SERAC1: variants seen among roughly 807,000 people sequenced by gnomAD.
The protein encoded by SERAC1 is serine active site containing 1.
A neutral mutation model predicts 85.7 loss-of-function variants in SERAC1; 36 were observed. The observed-to-expected ratio is 0.42, with a 90% CI of 0.32 to 0.55. The LOEUF (loss-of-function observed/expected upper bound fraction) is 0.55, where lower values mean the gene tolerates loss of function less well. Among genes scored for constraint, SERAC1 ranks in the 20% least tolerant of loss-of-function variants. SERAC1 has a pLI of 0.11. For synonymous variants in SERAC1, 242 were observed against 265.3 expected (o/e 0.91, Z 0.85); for missense variants, 629 against 796.2 (o/e 0.79, Z 2.53).
In SERAC1 at chr6:158,150,469, G is replaced by A. The variant is rs6929274; in HGVS notation, c.249C>T (p.Asp83=). 0.71 allele frequency: 1,102,505 copies of A among 1,554,476 alleles called. 393,101 individuals carry two copies. Among genetic ancestry groups the A allele is most frequent in the Admixed American group, 0.83 (49,044 of 58,938 alleles). The change falls in exon 4 of 17, where the codon GAC becomes GAT. Residue 83 remains aspartate, a synonymous_variant. Coordinates refer to ENST00000647468, the MANE Select transcript of SERAC1 (RefSeq NM_032861.4). The part of the protein sequence containing the change: ...SYIYVHTVSL[D]KGENHGIAWQ... ...TAAACTTACCATGATTTTCTCCTTTGTCTAAAGAAACTGTGTGCACATATA... is the reference window on the plus strand; with the variant it reads ...TAAACTTACCATGATTTTCTCCTTTATCTAAAGAAACTGTGTGCACATATA...
chr6:158,133,803 G>A (rs1784734797), intron 8 of SERAC1, among the ~76,000 whole-genome samples: 1 of 152,122 alleles, frequency 6.6e-6, no homozygotes, highest in African/African-American at 2.4e-5. Flanking sequence ...GGGTCCTTAG[G>A]GGTATGGGGT....
chr6:158,157,015 T>C (rs538564380), intron 2 of SERAC1, among the ~76,000 whole-genome samples: 1 of 146,594 alleles, frequency 6.8e-6, no homozygotes, highest in South Asian at 2.1e-4. Context: ...TATATATGTA[T>C]AGACAGAGTT....
intron 10 of SERAC1, among the ~76,000 whole-genome samples, chr6:158,124,279 A>T (rs902299779): frequency 1.3e-5 from 2 of 152,196 alleles, no homozygotes; most frequent in African/African-American, 4.8e-5. Context: ...AGAGGAAAAA[A>T]TTTAAACATA....
At chr6:158,130,351 A>C (rs1287037824) in intron 9 of SERAC1, 22 bp downstream of exon 9, 1 of 1,330,192 alleles carries the variant, frequency 7.5e-7, no homozygotes, top group Non-Finnish European at 1.0e-6. Flanking sequence ...AAAGTAAACT[A>C]CATTTTGAAA....
chr6:158,115,410 T>C (rs1185307008), intron 14 of SERAC1, among the ~76,000 whole-genome samples: 1 of 152,234 alleles, frequency 6.6e-6, no homozygotes, highest in African/African-American at 2.4e-5. Flanking sequence ...TCATGGGAAC[T>C]GTTCCTCTGG....
At chr6:158,114,690 A>ATAAAATGAGATAATACATTCAAGGAATG in intron 15 of SERAC1, 99 bp downstream of exon 15, 1 of 1,575,574 alleles carries the variant, frequency 6.3e-7, no homozygotes, top group Non-Finnish European at 8.6e-7. Flanking sequence ...TATACAAATT[A>ATAAAATGAGATAATACATTCAAGGAATG]TAAAATGAGA....
At chr6:158,152,320 G>A (rs1179333761) in intron 3 of SERAC1, among the ~76,000 whole-genome samples, 3 of 152,054 alleles carry the variant, frequency 2.0e-5, no homozygotes, top group Non-Finnish European at 4.4e-5. Flanking sequence ...ATTCAAGACC[G>A]GCCTGGCCAA....
intron 1 of SERAC1, chr6:158,161,918 A>G (rs546398503): frequency 2.0e-5 from 3 of 152,146 alleles, no homozygotes; most frequent in Non-Finnish European, 4.4e-5. Context: ...CAGCTCGTCT[A>G]CCCTGTCTCG....
At position 158,120,878 on chromosome 6, in the gene SERAC1, T is replaced by C. The variant is rs1784403986; in HGVS notation, c.1016-303A>G. Among the ~76,000 whole-genome samples the C allele has an allele frequency of 6.6e-6, 1 of 152,144 alleles. No individual in the cohort carries two copies. Among genetic ancestry groups the C allele is most frequent in the Non-Finnish European group, 1.5e-5 (1 of 68,026 alleles). On this transcript the variant is annotated intron_variant, in intron 10 of 16. Transcript: ENST00000647468. The surrounding 1 kb of genome is among the most constrained non-coding windows in gnomAD (Gnocchi z 4.4). ...GAGGTGTTCATAGCAGTTATAGAGG[T>C]GTTCACAAAAGTGAACAAAATACCA... is the stretch of plus-strand genomic sequence containing the variant.
intron 15 of SERAC1, chr6:158,114,462 A>G (rs1201944763): frequency 2.7e-6 from 3 of 1,102,528 alleles, no homozygotes; most frequent in Non-Finnish European, 3.3e-6. Flanking sequence ...ACAGTTGATG[A>G]TTCTCCACTC....
At chr6:158,150,906 G>T (rs1038705404) in intron 3 of SERAC1, 3 of 244,808 alleles carry the variant, frequency 1.2e-5, no homozygotes, top group Non-Finnish European at 2.4e-5. Context: ...CTACTGTGCT[G>T]CCCGTCCTAT....
intron 3 of SERAC1, among the ~76,000 whole-genome samples, chr6:158,153,731 G>C (rs1245095717): frequency 6.6e-6 from 1 of 152,124 alleles, no homozygotes; most frequent in East Asian, 1.9e-4. Context: ...TGGATTCAGA[G>C]CTTAGCACCT....
At position 158,110,101 on chromosome 6, in the gene SERAC1, A is replaced by C. The variant is rs991479173; in HGVS notation, c.*1265T>G. 1 of 152,208 alleles carries C rather than the reference A, an allele frequency of 6.6e-6. No homozygotes were observed. Among genetic ancestry groups the C allele is most frequent in the African/African-American group, 2.4e-5 (1 of 41,448 alleles). The allele number at this position is 152,208 out of a possible 1,614,324, so 9.4% of individuals were successfully genotyped here. On this transcript the variant is annotated 3_prime_UTR_variant, in exon 17 of 17. Coordinates refer to ENST00000647468, the MANE Select transcript of SERAC1 (RefSeq NM_032861.4). ...ACTCAGTGAACTATACTAAAAACCA[A>C]TGAATTGAGCCTGGGAACAATGGCT...
intron 7 of SERAC1, among the ~76,000 whole-genome samples, chr6:158,143,765 T>C (rs1784986634): frequency 1.3e-5 from 2 of 152,150 alleles, no homozygotes; most frequent in Admixed American, 6.6e-5. Context: ...CTAGGAAAGA[T>C]ACTCAAGAAA....
At chr6:158,114,177 G>A (rs953963337) in intron 15 of SERAC1, among the ~76,000 whole-genome samples, 5 of 152,110 alleles carry the variant, frequency 3.3e-5, no homozygotes, top group Admixed American at 2.0e-4. Flanking sequence ...GAGGACATGA[G>A]TGCAGAACCA....
chr6:158,116,595 C>T, intron 13 of SERAC1: 1 of 259,788 alleles, frequency 3.8e-6, no homozygotes, highest in East Asian at 9.1e-5. Context: ...TTAACATTGG[C>T]CTAATTAGGA....
chr6:158,159,134 T>C (rs1167449056), intron 1 of SERAC1: 1 of 152,174 alleles, frequency 6.6e-6, no homozygotes, highest in Non-Finnish European at 1.5e-5. Context: ...CTTTTTATTA[T>C]TTTCTTCTTT....
chr6:158,147,768 CAAAAAAAAAAAAAAA>C (rs71027383), intron 5 of SERAC1, among the ~76,000 whole-genome samples: 4 of 68,934 alleles, frequency 5.8e-5, no homozygotes, highest in South Asian at 1.2e-3. Context: ...GGCTCTGTCT[CAAAAAAAAAAAAAAA>C]AAAAAAAAAA....
intron 1 of SERAC1, among the ~76,000 whole-genome samples, chr6:158,159,633 T>C (rs948177537): frequency 1.3e-5 from 2 of 151,848 alleles, no homozygotes; most frequent in Non-Finnish European, 2.9e-5. Flanking sequence ...ATTATCTTTT[T>C]TTTTTTTTTG....
Sources: gnomAD v4.1 joint callset for allele counts (sites outside exome capture counted in the v4.1 genomes callset) on GRCh38, gnomAD v4.1.1 for gene constraint, Gnocchi (gnomAD v3.1) non-coding constraint, MANE v1.5 for transcripts, NCBI Gene and HGNC (gene_info 2026-07-23, HGNC 2026-07-21) for gene names.